MOXD1: variants seen among roughly 807,000 people sequenced by gnomAD.
MOXD1 encodes monooxygenase DBH like 1.
Under a neutral mutation model 66.6 loss-of-function variants are expected in MOXD1, and 62 were observed. The ratio of observed to expected loss-of-function variants is 0.93; its 90% confidence interval spans 0.76 to 1.15. The LOEUF (loss-of-function observed/expected upper bound fraction) is 1.15, where lower values mean the gene tolerates loss of function less well. MOXD1 is among the 50% of genes most tolerant of loss of function. The pLI is 0.00. For missense variants in MOXD1, 847 were observed against 754.6 expected (o/e 1.12, Z -1.44); for synonymous variants, 303 against 281.9 (o/e 1.07, Z -0.75).
intron 1 of MOXD1, among the ~76,000 whole-genome samples, chr6:132,377,066 G>C (rs950591510): frequency 6.6e-6 from 1 of 152,072 alleles, no homozygotes; most frequent in South Asian, 2.1e-4. Context: ...GCCACTGCTG[G>C]GATAGGATGG....
At chr6:132,347,881 CTT>C (rs1243256691) in intron 4 of MOXD1, among the ~76,000 whole-genome samples, 1 of 151,956 alleles carries the variant, frequency 6.6e-6, no homozygotes, top group African/African-American at 2.4e-5. Flanking sequence ...AGTTCTCACT[CTT>C]CTCTCTTTTT....
chr6:132,387,685 C>T (rs1343659718), intron 1 of MOXD1, among the ~76,000 whole-genome samples: 3 of 134,052 alleles, frequency 2.2e-5, no homozygotes, highest in African/African-American at 2.8e-5. Flanking sequence ...ACCTGGGGAA[C>T]GGAGGTTGTA....
intron 1 of MOXD1, among the ~76,000 whole-genome samples, chr6:132,377,848 C>T (rs1341186773): frequency 6.6e-6 from 1 of 152,148 alleles, no homozygotes; most frequent in African/African-American, 2.4e-5. Context: ...TTTTCACAGG[C>T]TGGGCGCAGT....
At chr6:132,400,097 A>G (rs1316097618) in intron 1 of MOXD1, among the ~76,000 whole-genome samples, 1 of 152,252 alleles carries the variant, frequency 6.6e-6, no homozygotes, top group East Asian at 1.9e-4. Flanking sequence ...TTAACAGCTC[A>G]GTGCCAGAAT....
At chr6:132,327,920 T>A (rs984499771) in intron 6 of MOXD1, 93 bp downstream of exon 6, 3 of 929,222 alleles carry the variant, frequency 3.2e-6, no homozygotes, top group African/African-American at 3.3e-5. Flanking sequence ...CTTCTAACAC[T>A]GGCTGCTATT....
intron 1 of MOXD1, among the ~76,000 whole-genome samples, chr6:132,377,669 A>G (rs1157423760): frequency 6.6e-6 from 1 of 152,214 alleles, no homozygotes; most frequent in Admixed American, 6.5e-5. Context: ...ATATTTAGAA[A>G]AGACAGCTGC....
intron 10 of MOXD1, among the ~76,000 whole-genome samples, chr6:132,298,291 G>T (rs2114518904): frequency 6.6e-6 from 1 of 152,244 alleles, no homozygotes; most frequent in African/African-American, 2.4e-5. Flanking sequence ...AAAGTGCTGG[G>T]ATTATAGGTG....
At chr6:132,347,858 G>A (rs1421282466) in intron 4 of MOXD1, among the ~76,000 whole-genome samples, 1 of 151,800 alleles carries the variant, frequency 6.6e-6, no homozygotes, top group African/African-American at 2.4e-5. Context: ...GAATAGGAGT[G>A]GATGACTTTT....
At chr6:132,379,932 T>C (rs1345915826) in intron 1 of MOXD1, among the ~76,000 whole-genome samples, 1 of 152,164 alleles carries the variant, frequency 6.6e-6, no homozygotes, top group Non-Finnish European at 1.5e-5. Context: ...TTTTATTTCT[T>C]GTAGAGATGA....
At chr6:132,298,387 G>T (rs1484921185) in intron 10 of MOXD1, among the ~76,000 whole-genome samples, 1 of 152,022 alleles carries the variant, frequency 6.6e-6, no homozygotes, top group Non-Finnish European at 1.5e-5. Context: ...CATTAATTTG[G>T]TTTGGTTCTA....
intron 4 of MOXD1, among the ~76,000 whole-genome samples, chr6:132,335,448 A>G (rs776496613): frequency 2.0e-5 from 3 of 152,188 alleles, no homozygotes; most frequent in Non-Finnish European, 4.4e-5. Flanking sequence ...ATCCAATGAC[A>G]TGTGTCTTTA....
At chr6:132,300,352 C>T (rs1318410531) in intron 10 of MOXD1, among the ~76,000 whole-genome samples, 2 of 152,088 alleles carry the variant, frequency 1.3e-5, no homozygotes, top group African/African-American at 4.8e-5. Context: ...ATACAATGTC[C>T]TTTTAAAAGC....
chr6:132,303,535 C>T (rs964857136), intron 10 of MOXD1, among the ~76,000 whole-genome samples: 5 of 151,480 alleles, frequency 3.3e-5, no homozygotes, highest in Non-Finnish European at 5.9e-5. Flanking sequence ...AATGTAAGTG[C>T]TATGTAGATG....
chr6:132,399,420 T>C (rs967446749), intron 1 of MOXD1, among the ~76,000 whole-genome samples: 2 of 152,236 alleles, frequency 1.3e-5, no homozygotes, highest in Non-Finnish European at 2.9e-5. Context: ...CACTAATTAC[T>C]TTAAGAAAAT....
intron 4 of MOXD1, among the ~76,000 whole-genome samples, chr6:132,348,920 A>G (rs1443919669): frequency 6.6e-6 from 1 of 152,180 alleles, no homozygotes; most frequent in African/African-American, 2.4e-5. Context: ...CAAGTCTTTC[A>G]TCTTCTACCT....
At chr6:132,395,717 T>C (rs188941071) in intron 1 of MOXD1, among the ~76,000 whole-genome samples, 4 of 152,300 alleles carry the variant, frequency 2.6e-5, no homozygotes, top group East Asian at 1.9e-4. Context: ...AAAGTGAGCA[T>C]GAGTGGCTAT....
At chr6:132,328,296 G>T in intron 5 of MOXD1, 119 bp downstream of exon 5, 1 of 1,357,632 alleles carries the variant, frequency 7.4e-7, no homozygotes, top group Non-Finnish European at 1.0e-6. Context: ...ATGGAGTTAA[G>T]CCACCTTCAT....
chr6:132,370,076 C>G (rs894119550), intron 4 of MOXD1, among the ~76,000 whole-genome samples: 1 of 152,064 alleles, frequency 6.6e-6, no homozygotes, highest in African/African-American at 2.4e-5. Context: ...TCAATCTTCT[C>G]ATTTCTGTGA....
chr6:132,306,595 T>C (rs1054547379), intron 10 of MOXD1, among the ~76,000 whole-genome samples: 1 of 152,000 alleles, frequency 6.6e-6, no homozygotes, highest in Admixed American at 6.6e-5. Flanking sequence ...GGACAAACTG[T>C]TAAGGGCAGC....
Sources: gnomAD v4.1 joint callset for allele counts (sites outside exome capture counted in the v4.1 genomes callset) on GRCh38, gnomAD v4.1.1 for gene constraint, MANE v1.5 for transcripts, NCBI Gene and HGNC (gene_info 2026-07-23, HGNC 2026-07-21) for gene names.